PRR16: variants seen among roughly 807,000 people sequenced by gnomAD.
PRR16 encodes the protein proline rich 16.
In PRR16, 6 loss-of-function variants were observed where a neutral mutation model predicts 18.2. That is an observed-to-expected ratio of 0.33 (90% confidence interval 0.18 to 0.65). The LOEUF (loss-of-function observed/expected upper bound fraction) is 0.65. Ranked by LOEUF, PRR16 falls within the 30% of genes least tolerant of loss-of-function variation. The probability of loss-of-function intolerance (pLI) is 0.74; values close to 1 mark genes in which losing one functional copy is unlikely to be tolerated. For missense variants in PRR16, 412 were observed against 376.6 expected (o/e 1.09, Z -0.78); for synonymous variants, 151 against 147.8 (o/e 1.02, Z -0.16).
the PRR16 span, among the ~76,000 whole-genome samples, chr5:120,741,305 C>A: frequency 1.3e-5 from 2 of 151,974 alleles, no homozygotes; most frequent in South Asian, 4.1e-4. Context: ...GTTTCAAACT[C>A]CTAGGCTTAA....
chr5:120,531,513 T>G (rs1012879508), intron 1 of PRR16: 1 of 152,204 alleles, frequency 6.6e-6, no homozygotes, highest in African/African-American at 2.4e-5. Flanking sequence ...CACTCCCAAA[T>G]AAAAGGAACC....
chr5:120,550,506 T>C (rs1752220825), intron 1 of PRR16, among the ~76,000 whole-genome samples: 1 of 151,958 alleles, frequency 6.6e-6, no homozygotes, highest in Non-Finnish European at 1.5e-5. Context: ...ACATTTCCAT[T>C]GCCTCTTGTG....
the PRR16 span, among the ~76,000 whole-genome samples, chr5:120,727,768 T>G: frequency 1.3e-5 from 2 of 152,046 alleles, no homozygotes; most frequent in Non-Finnish European, 2.9e-5. Context: ...ATGTTAGATA[T>G]CTAAACATGT....
rs111586999 is a variant in PRR16 at position 120,654,229 on chromosome 5, C to T, written c.160-31725C>T. Among the ~76,000 whole-genome samples, 725 of 152,062 alleles carry T rather than the reference C, an allele frequency of 4.8e-3. 6 individuals are homozygous for T. Among genetic ancestry groups the T allele is most frequent in the African/African-American group, 0.016 (665 of 41,518 alleles). ...TCATCTTGGACCACAAGTTAGAAGA[C>T]GCAAATTGAATATGCACTGGACTAC... On this transcript the variant is annotated intron_variant, in intron 1 of 1. Coordinates refer to ENST00000407149, the MANE Select transcript of PRR16 (RefSeq NM_001300783.2).
chr5:120,489,140 T>C (rs1399476585), intron 1 of PRR16, among the ~76,000 whole-genome samples: 1 of 152,188 alleles, frequency 6.6e-6, no homozygotes, highest in Non-Finnish European at 1.5e-5. Context: ...TGATTTGGGG[T>C]GGAGAGGTCT....
At chr5:120,736,575 G>A in the PRR16 span, among the ~76,000 whole-genome samples, 5 of 131,998 alleles carry the variant, frequency 3.8e-5, no homozygotes, top group African/African-American at 1.5e-4. Flanking sequence ...ACTATTTGGG[G>A]TCCCTGGAGA....
At chr5:120,619,802 A>G (rs1754628216) in intron 1 of PRR16, among the ~76,000 whole-genome samples, 2 of 152,072 alleles carry the variant, frequency 1.3e-5, no homozygotes, top group Admixed American at 6.6e-5. Context: ...TGCACTTTGC[A>G]CTATGCACTG....
chr5:120,538,743 C>T (rs570693445), intron 1 of PRR16, among the ~76,000 whole-genome samples: 4 of 152,304 alleles, frequency 2.6e-5, no homozygotes, highest in African/African-American at 9.6e-5. Flanking sequence ...CCCACACTCT[C>T]CTAAATGGTT....
chr5:120,472,302 C>T (rs1749294499), intron 1 of PRR16, among the ~76,000 whole-genome samples: 1 of 152,064 alleles, frequency 6.6e-6, no homozygotes, highest in South Asian at 2.1e-4. Flanking sequence ...CATTGGTGTG[C>T]ATTTTCCCCT....
chr5:120,729,060 T>C, the PRR16 span, among the ~76,000 whole-genome samples: 1 of 152,086 alleles, frequency 6.6e-6, no homozygotes, highest in African/African-American at 2.4e-5. Context: ...TGATAGCATA[T>C]TTTTGCTGAT....
chr5:120,763,938 C>T, the PRR16 span, among the ~76,000 whole-genome samples: 1 of 151,946 alleles, frequency 6.6e-6, no homozygotes, highest in Non-Finnish European at 1.5e-5. Flanking sequence ...ATTTGCTTAT[C>T]AGGTCTCAGA....
intron 1 of PRR16, among the ~76,000 whole-genome samples, chr5:120,585,978 A>G (rs905823382): frequency 3.4e-4 from 51 of 152,010 alleles, no homozygotes; most frequent in African/African-American, 1.2e-3. Context: ...GATCGAGACC[A>G]TCCTGGCCAA....
chr5:120,519,234 T>C (rs1398794284), intron 1 of PRR16, among the ~76,000 whole-genome samples: 2 of 152,160 alleles, frequency 1.3e-5, no homozygotes, highest in African/African-American at 4.8e-5. Context: ...AGTATTAATT[T>C]ATTATTCATT....
the PRR16 span, among the ~76,000 whole-genome samples, chr5:120,749,522 T>C: frequency 2.4e-4 from 36 of 152,298 alleles, 1 homozygote; most frequent in Middle Eastern, 3.4e-3. Context: ...CATAACAATG[T>C]ACTGTCAGTT....
chr5:120,664,884 C>A (rs1756313430), intron 1 of PRR16, among the ~76,000 whole-genome samples: 1 of 151,440 alleles, frequency 6.6e-6, no homozygotes, highest in African/African-American at 2.4e-5. Context: ...GGTTCCAAGT[C>A]TTTGCTATTG....
At chr5:120,571,039 G>A (rs953731481) in intron 1 of PRR16, among the ~76,000 whole-genome samples, 1 of 152,102 alleles carries the variant, frequency 6.6e-6, no homozygotes, top group Non-Finnish European at 1.5e-5. Flanking sequence ...TATATACAGT[G>A]GTCATTGGAG....
the PRR16 span, among the ~76,000 whole-genome samples, chr5:120,719,931 C>T: frequency 8.6e-5 from 13 of 151,910 alleles, no homozygotes; most frequent in African/African-American, 3.1e-4. Flanking sequence ...AAAATATTTA[C>T]CAAATTTGTT....
chr5:120,662,899 T>A (rs1020473), intron 1 of PRR16, among the ~76,000 whole-genome samples: 2 of 151,946 alleles, frequency 1.3e-5, no homozygotes, highest in African/African-American at 4.8e-5. Context: ...TTTGTACTTA[T>A]TGTAGAATAA....
chr5:120,743,987 A>G, the PRR16 span, among the ~76,000 whole-genome samples: 1 of 151,892 alleles, frequency 6.6e-6, no homozygotes, highest in Non-Finnish European at 1.5e-5. Context: ...TTATACTTCA[A>G]TTTTCCTTTT....
Sources: gnomAD v4.1 joint callset for allele counts (sites outside exome capture counted in the v4.1 genomes callset) on GRCh38, gnomAD v4.1.1 for gene constraint, MANE v1.5 for transcripts, NCBI Gene and HGNC (gene_info 2026-07-23, HGNC 2026-07-21) for gene names.